DHX9: variants seen among roughly 807,000 people sequenced by gnomAD.
DHX9 encodes the protein ATP-dependent RNA helicase A.
In DHX9, 27 loss-of-function variants were observed where a neutral mutation model predicts 148.7. The observed-to-expected ratio is 0.18, with a 90% CI of 0.13 to 0.25. The LOEUF (loss-of-function observed/expected upper bound fraction) is 0.25. Ranked by LOEUF, DHX9 falls within the 10% of genes least tolerant of loss-of-function variation. The pLI, the probability that DHX9 is intolerant of heterozygous loss-of-function variation, is 1.00. For missense variants in DHX9, 796 were observed against 1,559.6 expected (o/e 0.51, Z 8.25); for synonymous variants, 529 against 516.6 (o/e 1.02, Z -0.33).
At chr1:182,862,361 T>C (rs1668377562) in intron 12 of DHX9, among the ~76,000 whole-genome samples, 1 of 152,238 alleles carries the variant, frequency 6.6e-6, no homozygotes, top group African/African-American at 2.4e-5. Context: ...TCCTTCGGTC[T>C]ATCCATACTC....
chr1:182,882,334 C>G (rs903647942), intron 24 of DHX9, among the ~76,000 whole-genome samples: 5 of 152,168 alleles, frequency 3.3e-5, no homozygotes, highest in African/African-American at 1.2e-4. Context: ...ACTCGTTTGT[C>G]TAGAACAAAA....
rs368451399 is a variant in DHX9, at chr1:182,874,835, A to C, written c.1715-19A>C. The C allele has an allele frequency of 4.4e-6, 7 of 1,581,768 alleles. No homozygotes were observed. Among genetic ancestry groups the C allele is most frequent in the Non-Finnish European group, 6.1e-6 (7 of 1,152,620 alleles). ...GTGAAAGTTGATAGTACTTAACCTG[A>C]CTGGATTGTCCCTGGCAGAATATTT... On this transcript the variant is annotated intron_variant, in intron 15 of 27. Coordinates refer to ENST00000367549, the MANE Select transcript of DHX9 (RefSeq NM_001357.5).
At chr1:182,846,889 GCT>G (rs1195139717) in intron 3 of DHX9, among the ~76,000 whole-genome samples, 1 of 151,334 alleles carries the variant, frequency 6.6e-6, no homozygotes, top group Non-Finnish European at 1.5e-5. Flanking sequence ...GGTCCCTGAG[GCT>G]CTCTTTTTTT....
At chr1:182,882,553 T>C (rs1557980199) in intron 24 of DHX9, among the ~76,000 whole-genome samples, 1 of 152,110 alleles carries the variant, frequency 6.6e-6, no homozygotes, top group Non-Finnish European at 1.5e-5. Context: ...GAGTAGATGG[T>C]TGATTGGGGG....
At chr1:182,849,828 T>A (rs1474091419) in intron 3 of DHX9, among the ~76,000 whole-genome samples, 22 of 152,182 alleles carry the variant, frequency 1.4e-4, no homozygotes, top group Non-Finnish European at 2.9e-5. Context: ...ATTCTTGGTC[T>A]TTTCCTCTGT....
chr1:182,870,410 G>A (rs1057100450), intron 14 of DHX9, among the ~76,000 whole-genome samples: 1 of 152,168 alleles, frequency 6.6e-6, no homozygotes, highest in Non-Finnish European at 1.5e-5. Flanking sequence ...AACAAGACTT[G>A]CTTTGAAGCT....
At position 182,858,721 on chromosome 1, in the gene DHX9, A is replaced by G. The variant is rs749061705; in HGVS notation, c.901-12A>G. ...ATCATATTTTTTGTTTGTTTTTCTT[A>G]TTTTTTAATAGCCTGAAGATCCTTC... On this transcript the variant is annotated splice_polypyrimidine_tract_variant and intron_variant, in intron 9 of 27. Coordinates refer to ENST00000367549, the MANE Select transcript of DHX9 (RefSeq NM_001357.5). The G allele has an allele frequency of 1.9e-6, 3 of 1,613,010 alleles. No homozygotes were observed. The highest frequency in any genetic ancestry group is 4.5e-5 in the East Asian group (2 of 44,842).
rs761875075 is a variant in DHX9, at chr1:182,883,612, G to T, written c.3237G>T (p.Gly1079=). 1 of 1,613,324 alleles carries T rather than the reference G, an allele frequency of 6.2e-7. No homozygotes were observed. The highest frequency in any genetic ancestry group is 1.7e-5 in the Admixed American group (1 of 60,020). The change falls in exon 26 of 28, where the codon GGG becomes GGT. Residue 1079 remains glycine (G), a synonymous_variant. Transcript: ENST00000367549. ...LFASKKVQSD[G]QIVLVDDWIK... is the part of the protein sequence containing the mutation. ...CCTCCAAGAAAGTCCAATCTGATGG[G>T]CAGATTGTGCTTGTAGATGACTGGT...
At chr1:182,856,620 G>A in intron 7 of DHX9, 42 bp downstream of exon 7, 1 of 1,575,322 alleles carries the variant, frequency 6.3e-7, no homozygotes, top group Non-Finnish European at 8.7e-7. Context: ...TCTCTGTATA[G>A]AGAAGGAATC....
At chr1:182,854,580 A>G (rs1211431439) in intron 6 of DHX9, among the ~76,000 whole-genome samples, 1 of 152,076 alleles carries the variant, frequency 6.6e-6, no homozygotes, top group Non-Finnish European at 1.5e-5. Context: ...TTAGATACTT[A>G]AGCTTTGAGT....
In DHX9 at chr1:182,872,327, T is replaced by C. The variant is rs1389650493; in HGVS notation, c.1558-10T>C. 9.4e-6 allele frequency: 15 copies of C among 1,596,306 alleles called. No individual in the cohort carries two copies. Among genetic ancestry groups the C allele is most frequent in the Non-Finnish European group, 1.3e-5 (15 of 1,172,966 alleles). On this transcript the variant is annotated splice_polypyrimidine_tract_variant and intron_variant, in intron 14 of 27. Transcript: ENST00000367549. Reference sequence around the variant, plus strand: ...GTAATTTCAAAAATTTTGTGTTTGTTTTTTAATAGACTGACTTCCTTTTGG... The same window carrying C: ...GTAATTTCAAAAATTTTGTGTTTGTCTTTTAATAGACTGACTTCCTTTTGG...
rs1424917239 is a variant in DHX9, at chr1:182,876,455, C to T, written c.2038C>T (p.Arg680Trp). 1.2e-6 allele frequency: 2 copies of T among 1,613,104 alleles called. No individual in the cohort carries two copies. Among genetic ancestry groups the T allele is most frequent in the South Asian group, 1.1e-5 (1 of 91,056 alleles). Reference sequence around the variant, plus strand: ...TCTTTATTGTTATATAGGAAGCCATCGGTATCAGATTCTACCCCTGCATTC... The same window carrying T: ...TCTTTATTGTTATATAGGAAGCCATTGGTATCAGATTCTACCCCTGCATTC... ...LEMNPHFGSH[R>W]YQILPLHSQI... is the part of the protein sequence containing the mutation. The change falls in exon 18 of 28, where the codon CGG becomes TGG. Residue 680 changes from arginine (R) to tryptophan (W), a missense_variant. This residue lies in a region of DHX9 where 133 missense variants were observed against 223.8 expected (regional missense o/e 0.59). Coordinates refer to ENST00000367549, the MANE Select transcript of DHX9 (RefSeq NM_001357.5).
intron 27 of DHX9, among the ~76,000 whole-genome samples, chr1:182,885,107 C>T (rs1649264935): frequency 1.3e-5 from 2 of 152,176 alleles, no homozygotes; most frequent in Non-Finnish European, 2.9e-5. Flanking sequence ...AGGGAAGTGA[C>T]ACAGCCCAGA....
Position 182,860,839 on chromosome 1 carries a change from C to T in DHX9, c.1332+655C>T, listed in dbSNP as rs1057170740. ...CTTAGGGAAGAACTGATTAGCTCTT[C>T]TAAGTGCTCTCAGGTTAAACAGTTC... On this transcript the variant is annotated intron_variant, in intron 12 of 27. Transcript: ENST00000367549. Among the ~76,000 whole-genome samples the T allele has an allele frequency of 1.1e-4, 17 of 152,350 alleles. 1 individual carries two copies. The highest frequency in any genetic ancestry group is 5.9e-5 in the Non-Finnish European group (4 of 68,036).
chr1:182,859,085 T>C lies in DHX9; in HGVS notation c.1108T>C (p.Tyr370His), dbSNP rs1489229467. ...CATGGACCTCAAGAATGAATTGATG[T>C]ACCAGTTGGAACAGGATCATGATTT... ...ISMDLKNELM[Y>H]QLEQDHDLQA... Residue 370 changes from tyrosine to histidine, a missense_variant, in exon 11 of 28, where the codon TAC becomes CAC. By Grantham distance (83) the Tyr-to-His change is moderately conservative. Coordinates refer to ENST00000367549, the MANE Select transcript of DHX9 (RefSeq NM_001357.5). The C allele has an allele frequency of 1.2e-6, 2 of 1,614,038 alleles. No individual in the cohort carries two copies. The highest frequency in any genetic ancestry group is 1.3e-5 in the African/African-American group (1 of 74,946).
At chr1:182,850,895 C>T (rs1668131450) in intron 3 of DHX9, among the ~76,000 whole-genome samples, 1 of 152,162 alleles carries the variant, frequency 6.6e-6, no homozygotes, top group African/African-American at 2.4e-5. Context: ...GGAAATCCTC[C>T]CCATCACTGG....
chr1:182,858,740 A>T lies in DHX9; in HGVS notation c.908A>T (p.Asp303Val). ...LNLEILPPPE[D>V]PSVPVALNIG... Reference sequence around the variant, plus strand: ...TTTCTTATTTTTTAATAGCCTGAAGATCCTTCTGTGCCAGTTGCACTCAAC... The same window carrying T: ...TTTCTTATTTTTTAATAGCCTGAAGTTCCTTCTGTGCCAGTTGCACTCAAC... Residue 303 changes from aspartate to valine, a missense_variant, in exon 10 of 28, where the codon GAT becomes GTT. Around this residue, in one of 14 missense-constraint regions of DHX9, gnomAD observed 63 missense variants for 78.6 expected, o/e 0.80. Coordinates refer to ENST00000367549, the MANE Select transcript of DHX9 (RefSeq NM_001357.5). The T allele has an allele frequency of 1.2e-6, 2 of 1,614,034 alleles. No homozygotes were observed. The highest frequency in any genetic ancestry group is 1.7e-6 in the Non-Finnish European group (2 of 1,179,982).
intron 3 of DHX9, among the ~76,000 whole-genome samples, chr1:182,849,052 G>C (rs1668081990): frequency 6.6e-6 from 1 of 152,144 alleles, no homozygotes; most frequent in African/African-American, 2.4e-5. Context: ...ATGACATTTG[G>C]GCAGCGATAC....
intron 10 of DHX9, 24 bp from the exon 11 acceptor site, chr1:182,859,016 C>T (rs1325562793): frequency 6.2e-7 from 1 of 1,612,508 alleles, no homozygotes; most frequent in South Asian, 1.1e-5. Context: ...TTTTGTTTGA[C>T]TATGTTGGCT....
Sources: allele counts gnomAD v4.1 joint callset (sites outside exome capture counted in the v4.1 genomes callset), GRCh38; gene constraint gnomAD v4.1.1; regional missense constraint gnomAD v4.1.1; transcripts MANE v1.5; gene names NCBI Gene and HGNC (gene_info 2026-07-23, HGNC 2026-07-21).